CSMD2: variants seen among roughly 807,000 people sequenced by gnomAD.
CSMD2 encodes CUB and sushi domain-containing protein 2.
CSMD2 carries 130 observed loss-of-function variants against 398.5 expected under a neutral mutation model. The ratio of observed to expected loss-of-function variants is 0.33; its 90% CI spans 0.28 to 0.38. The LOEUF is 0.38. Among genes scored for constraint, CSMD2 ranks in the 10% least tolerant of loss-of-function variants. The pLI, the probability that CSMD2 is intolerant of heterozygous loss-of-function variation, is 1.00. For missense variants in CSMD2, 3,829 were observed against 4,764.9 expected (o/e 0.80, Z 5.78); for synonymous variants, 1,828 against 1,908.5 (o/e 0.96, Z 1.10).
intron 2 of CSMD2, among the ~76,000 whole-genome samples, chr1:34,052,012 A>T (rs946108769): frequency 6.6e-6 from 1 of 152,104 alleles, no homozygotes; most frequent in East Asian, 1.9e-4. Context: ...ACTCTCTCTG[A>T]CTGTCTTCAA....
At chr1:33,740,474 C>G (rs1368465955) in intron 14 of CSMD2, among the ~76,000 whole-genome samples, 1 of 152,172 alleles carries the variant, frequency 6.6e-6, no homozygotes, top group African/African-American at 2.4e-5. Flanking sequence ...AGCAGTGGCC[C>G]TAGGGGCTGC....
At chr1:33,830,834 A>G (rs1276502857) in intron 6 of CSMD2, among the ~76,000 whole-genome samples, 1 of 152,264 alleles carries the variant, frequency 6.6e-6, no homozygotes, top group Non-Finnish European at 1.5e-5. Context: ...ATGGAGCTGA[A>G]AGCCAAGGCT....
Position 33,600,974 on chromosome 1 carries a change from G to C in CSMD2, c.6747C>G (p.Val2249=). The C allele has an allele frequency of 1.2e-6, 2 of 1,614,164 alleles. No individual in the cohort carries two copies. Among genetic ancestry groups the C allele is most frequent in the Non-Finnish European group, 1.7e-6 (2 of 1,180,038 alleles). Residue 2249 remains valine, a synonymous_variant, in exon 44 of 71, where the codon GTC becomes GTG. Coordinates refer to ENST00000373381, the MANE Select transcript of CSMD2 (RefSeq NM_001281956.2). ...TTTTCTTGGCCATGCTCCGGGTGAAGACGCCGAGCCGTGGTGCTGTTTGCT... is the reference window on the plus strand; with the variant it reads ...TTTTCTTGGCCATGCTCCGGGTGAACACGCCGAGCCGTGGTGCTGTTTGCT... The part of the protein sequence containing the change: ...GPQQTAPRLG[V]FTRSMAKKTV...
At chr1:34,146,723 G>A (rs906819985) in intron 1 of CSMD2, among the ~76,000 whole-genome samples, 5 of 152,178 alleles carry the variant, frequency 3.3e-5, no homozygotes, top group African/African-American at 9.7e-5. Context: ...TCTGGCTTAG[G>A]AAGATGCATG....
At chr1:33,966,767 C>A (rs1283560555) in intron 3 of CSMD2, among the ~76,000 whole-genome samples, 1 of 152,058 alleles carries the variant, frequency 6.6e-6, no homozygotes, top group Non-Finnish European at 1.5e-5. Flanking sequence ...AGTGCTTCAG[C>A]CAGGGCAAAA....
At chr1:34,135,629 A>G (rs1283202144) in intron 1 of CSMD2, among the ~76,000 whole-genome samples, 1 of 150,636 alleles carries the variant, frequency 6.6e-6, no homozygotes, top group Non-Finnish European at 1.5e-5. Flanking sequence ...AAAAAAAAAA[A>G]AAAAAAAAAA....
chr1:33,544,831 T>TTTTATATATATA (rs1344119444), intron 57 of CSMD2, among the ~76,000 whole-genome samples: 1 of 141,984 alleles, frequency 7.0e-6, no homozygotes, highest in Non-Finnish European at 1.5e-5. Flanking sequence ...CACTGTGCAT[T>TTTTATATATATA]TATATATATA....
Position 33,662,959 on chromosome 1 carries a change from T to C in CSMD2, c.4186A>G (p.Asn1396Asp). 6.2e-7 allele frequency: 1 copy of C among 1,614,148 alleles called. No individual in the cohort carries two copies. The highest frequency in any genetic ancestry group is 8.5e-7 in the Non-Finnish European group (1 of 1,180,012). Residue 1396 changes from asparagine (N) to aspartate (D), a missense_variant, in exon 26 of 71, where the codon AAC (asparagine) becomes GAC (aspartate). Physicochemically the swap from Asn to Asp is conservative, Grantham distance 23 (BLOSUM62 1). This residue lies in a region of CSMD2 where 2,001 missense variants were observed against 2,567.1 expected (regional missense o/e 0.78). Transcript: ENST00000373381. ...GTGCTGAACTGCAGGACGACCGAGT[T>C]GAAGGTGCTATGCAGGTCCTTGGGC... is the stretch of plus-strand genomic sequence containing the variant. ...ALPKDLHSTFNSVVLQFSTDF... is the reference protein window; with the variant it reads ...ALPKDLHSTFDSVVLQFSTDF...
chr1:34,162,767 G>C (rs1404962062), intron 1 of CSMD2, among the ~76,000 whole-genome samples: 2 of 152,164 alleles, frequency 1.3e-5, no homozygotes, highest in African/African-American at 4.8e-5. Flanking sequence ...ACTGAGGCAG[G>C]AGAATCGCTT....
rs548815694 is a variant in CSMD2, at chr1:33,890,820, T to C, written c.920+27274A>G. 1.1e-4 allele frequency among the ~76,000 whole-genome samples: 16 copies of C among 152,106 alleles called. No homozygotes were observed. In the East Asian group the frequency reaches 3.1e-3, roughly 29 times the overall value. ...AAAGGATTCCCTATTTAATAAATGG[T>C]ACTGGGAAAACTGGCTAGCCATATG... On this transcript the variant is annotated intron_variant, in intron 5 of 70. Coordinates refer to ENST00000373381, the MANE Select transcript of CSMD2 (RefSeq NM_001281956.2).
At chr1:34,055,948 C>T (rs907524421) in intron 2 of CSMD2, among the ~76,000 whole-genome samples, 1 of 152,180 alleles carries the variant, frequency 6.6e-6, no homozygotes, top group Non-Finnish European at 1.5e-5. Context: ...CAACAGTCAA[C>T]CCATTAGCAT....
chr1:34,015,683 G>A (rs184099889), intron 3 of CSMD2, among the ~76,000 whole-genome samples: 1 of 152,314 alleles, frequency 6.6e-6, no homozygotes, highest in East Asian at 1.9e-4. Flanking sequence ...CATCTGAGAG[G>A]CAGGGCCTAG....
At chr1:33,719,190 C>T (rs35449519) in intron 19 of CSMD2, among the ~76,000 whole-genome samples, 4,824 of 152,286 alleles carry the variant, frequency 0.032, 107 homozygotes, top group South Asian at 0.05. Context: ...TCCTGACATA[C>T]AAACATGTCT....
intron 2 of CSMD2, among the ~76,000 whole-genome samples, chr1:34,084,872 G>A (rs55849861): frequency 0.011 from 1,707 of 152,214 alleles, 28 homozygotes; most frequent in African/African-American, 0.037. Flanking sequence ...CAGCCATCCC[G>A]TTACTGGGTA....
chr1:33,763,108 C>T (rs1016276252), intron 13 of CSMD2, among the ~76,000 whole-genome samples: 10 of 152,102 alleles, frequency 6.6e-5, no homozygotes, highest in African/African-American at 2.4e-4. Flanking sequence ...GTATCACAAC[C>T]CCATGTATCT....
At position 33,994,660 on chromosome 1, in the gene CSMD2, G is replaced by A. The variant is rs190209097; in HGVS notation, c.517+37934C>T. ...AATTTAGTTAGTTCTTAGTTAAAAT[G>A]CCCTTCACCCTAGAACCACTTCCCT... On this transcript the variant is annotated intron_variant, in intron 3 of 70. Coordinates refer to ENST00000373381, the MANE Select transcript of CSMD2 (RefSeq NM_001281956.2). Among the ~76,000 whole-genome samples, 173 of 152,194 alleles carry A rather than the reference G, an allele frequency of 1.1e-3. 2 individuals are homozygous for A. Among genetic ancestry groups the A allele is most frequent in the African/African-American group, 3.8e-3 (156 of 41,508 alleles).
rs574542017 is a variant in CSMD2, at chr1:33,793,045, C to T, written c.1447-519G>A. Among the ~76,000 whole-genome samples, 6 of 152,332 alleles carry T rather than the reference C, an allele frequency of 3.9e-5. No individual in the cohort carries two copies. In the East Asian group the frequency reaches 9.6e-4, roughly 24 times the overall value. On this transcript the variant is annotated intron_variant, in intron 10 of 70. Coordinates refer to ENST00000373381, the MANE Select transcript of CSMD2 (RefSeq NM_001281956.2). The stretch of plus-strand genomic sequence containing the variant: ...CCCCCTCTTGTTTTAATCCTGCCTT[C>T]CACAAATATTTACTAAGCACTCCCC...
intron 65 of CSMD2, 63 bp downstream of exon 65, chr1:33,527,133 C>T: frequency 1.4e-6 from 2 of 1,442,384 alleles, no homozygotes; most frequent in East Asian, 2.3e-5. Flanking sequence ...CACGAGTTTT[C>T]TGGCTAACTG....
chr1:34,040,498 T>A (rs1651730184), intron 2 of CSMD2, among the ~76,000 whole-genome samples: 1 of 152,274 alleles, frequency 6.6e-6, no homozygotes, highest in Non-Finnish European at 1.5e-5. Context: ...TCTCCCTGAC[T>A]AGATGAAAGC....
Sources: allele counts gnomAD v4.1 joint callset (sites outside exome capture counted in the v4.1 genomes callset), GRCh38; gene constraint gnomAD v4.1.1; regional missense constraint gnomAD v4.1.1; transcripts MANE v1.5; gene names NCBI Gene and HGNC (gene_info 2026-07-23, HGNC 2026-07-21).